RSPO3: variants seen among roughly 807,000 people sequenced by gnomAD.
RSPO3 encodes the protein R-spondin-3.
RSPO3 carries 17 observed loss-of-function variants against 36.5 expected under a neutral mutation model. That is an observed-to-expected ratio of 0.47 (90% CI 0.32 to 0.70). The LOEUF (loss-of-function observed/expected upper bound fraction) is 0.70, where lower values mean the gene tolerates loss of function less well. Ranked by LOEUF, RSPO3 falls within the 30% of genes least tolerant of loss-of-function variation. The pLI, the probability that RSPO3 is intolerant of heterozygous loss-of-function variation, is 0.04. For missense variants in RSPO3, 294 were observed against 322.5 expected (o/e 0.91, Z 0.68); for synonymous variants, 108 against 107.0 (o/e 1.01, Z -0.06).
Position 127,198,450 on chromosome 6 carries a change from T to C in RSPO3, c.*2443T>C, listed in dbSNP as rs532843227. Among the ~76,000 whole-genome samples, 1 of 152,290 alleles carries C rather than the reference T, an allele frequency of 6.6e-6. No individual in the cohort carries two copies. The highest frequency in any genetic ancestry group is 2.1e-4 in the South Asian group (1 of 4,824). On this transcript the variant is annotated 3_prime_UTR_variant, in exon 5 of 5. Transcript: ENST00000356698. ...TTTGAGCAAAAACTCTATCAACCTCTGGTAAAGTTCCTACACTAGTCACAG... is the reference window on the plus strand; with the variant it reads ...TTTGAGCAAAAACTCTATCAACCTCCGGTAAAGTTCCTACACTAGTCACAG...
rs541426744 is a variant in RSPO3, at chr6:127,157,851, G to C, written c.634+2413G>C. Among the ~76,000 whole-genome samples, 31 of 151,626 alleles carry C rather than the reference G, an allele frequency of 2.0e-4. 1 individual carries two copies. The highest frequency in any genetic ancestry group is 6.2e-4 in the South Asian group (3 of 4,818). ...TCTTTGTTATTTCTCTAATCCTCCAGTTTTCTTAACTTCTCTTAAGGTTTA... is the reference window on the plus strand; with the variant it reads ...TCTTTGTTATTTCTCTAATCCTCCACTTTTCTTAACTTCTCTTAAGGTTTA... On this transcript the variant is annotated intron_variant, in intron 4 of 4. Coordinates refer to ENST00000356698, the MANE Select transcript of RSPO3 (RefSeq NM_032784.5).
intron 4 of RSPO3, among the ~76,000 whole-genome samples, chr6:127,172,471 G>A (rs894665916): frequency 2.0e-5 from 3 of 151,450 alleles, no homozygotes; most frequent in Non-Finnish European, 4.4e-5. Flanking sequence ...TATAAATCTG[G>A]GAACCTATAC....
In RSPO3 at chr6:127,166,329, T is replaced by TA. The variant is rs373150551; in HGVS notation, c.634+10892dup. 6.2e-3 allele frequency among the ~76,000 whole-genome samples: 943 copies of TA among 152,120 alleles called. 11 individuals are homozygous for TA. The highest frequency in any genetic ancestry group is 0.022 in the African/African-American group (917 of 41,538). The stretch of plus-strand genomic sequence containing the variant: ...TTGTTTCCCATTTTTTTGCTCTTCT[T>TA]ACTGTAACAAAAATCTCTATCATGT... On this transcript the variant is annotated intron_variant, in intron 4 of 4. Coordinates refer to ENST00000356698, the MANE Select transcript of RSPO3 (RefSeq NM_032784.5).
intron 4 of RSPO3, among the ~76,000 whole-genome samples, chr6:127,191,271 T>C (rs1582816998): frequency 6.6e-6 from 1 of 152,064 alleles, no homozygotes; most frequent in African/African-American, 2.4e-5. Context: ...GTTTTGAGAG[T>C]ATATATTTGA....
intron 1 of RSPO3, among the ~76,000 whole-genome samples, chr6:127,144,608 C>G (rs1039351079): frequency 1.7e-5 from 2 of 119,786 alleles, no homozygotes; most frequent in Admixed American, 8.7e-5. Context: ...TGCATGATGT[C>G]TTCTTTTTCT....
At chr6:127,130,286 T>TAATTGAAC (rs1286222031) in intron 1 of RSPO3, among the ~76,000 whole-genome samples, 1 of 152,190 alleles carries the variant, frequency 6.6e-6, no homozygotes, top group African/African-American at 2.4e-5. Flanking sequence ...AACGGATCTT[T>TAATTGAAC]AATTGAACAA....
At chr6:127,168,846 T>G (rs1371741369) in intron 4 of RSPO3, among the ~76,000 whole-genome samples, 1 of 152,150 alleles carries the variant, frequency 6.6e-6, no homozygotes, top group African/African-American at 2.4e-5. Context: ...CACCATTTAT[T>G]AAATAGGGAA....
chr6:127,155,543 T>G, intron 4 of RSPO3, 105 bp downstream of exon 4: 1 of 1,041,268 alleles, frequency 9.6e-7, no homozygotes, highest in Non-Finnish European at 1.4e-6. Flanking sequence ...ATGCCTAATA[T>G]CCTAAAATGT....
chr6:127,131,471 T>C (rs1774054967), intron 1 of RSPO3, among the ~76,000 whole-genome samples: 1 of 152,082 alleles, frequency 6.6e-6, no homozygotes, highest in Non-Finnish European at 1.5e-5. Context: ...CACAAGCTGT[T>C]GGGCTGAAGT....
chr6:127,172,044 G>C (rs1774947542), intron 4 of RSPO3, among the ~76,000 whole-genome samples: 1 of 151,122 alleles, frequency 6.6e-6, no homozygotes, highest in African/African-American at 2.4e-5. Context: ...ATGTGATCTA[G>C]TATCTTCTAA....
At chr6:127,147,603 G>A (rs1774413532) in intron 1 of RSPO3, among the ~76,000 whole-genome samples, 1 of 152,144 alleles carries the variant, frequency 6.6e-6, no homozygotes, top group Non-Finnish European at 1.5e-5. Flanking sequence ...ACCAGCTCAT[G>A]CAGAGGTGAT....
At chr6:127,192,661 G>A (rs778121687) in intron 4 of RSPO3, 9 of 985,272 alleles carry the variant, frequency 9.1e-6, no homozygotes, top group African/African-American at 1.7e-5. Flanking sequence ...ATCAAGGGGA[G>A]ATGAACGCTG....
chr6:127,154,328 C>T (rs757540396), intron 3 of RSPO3, among the ~76,000 whole-genome samples: 4 of 152,048 alleles, frequency 2.6e-5, no homozygotes, highest in Non-Finnish European at 4.4e-5. Flanking sequence ...TATAATAGCA[C>T]CTTGAGATGT....
chr6:127,193,170 C>T (rs1775446753), intron 4 of RSPO3, among the ~76,000 whole-genome samples: 1 of 152,182 alleles, frequency 6.6e-6, no homozygotes, highest in Admixed American at 6.5e-5. Flanking sequence ...TTCCCTTTCA[C>T]TCACTGCCCA....
intron 1 of RSPO3, among the ~76,000 whole-genome samples, chr6:127,133,839 C>T (rs1420841824): frequency 6.6e-6 from 1 of 152,070 alleles, no homozygotes; most frequent in Non-Finnish European, 1.5e-5. Context: ...TAAACAATTA[C>T]TATGTGCCAA....
chr6:127,189,121 T>C (rs975576535), intron 4 of RSPO3, among the ~76,000 whole-genome samples: 1 of 152,076 alleles, frequency 6.6e-6, no homozygotes, highest in Non-Finnish European at 1.5e-5. Flanking sequence ...GTGTGTTGAA[T>C]TGTAGTTATA....
intron 4 of RSPO3, among the ~76,000 whole-genome samples, chr6:127,168,562 G>C (rs181646894): frequency 4.8e-4 from 73 of 152,050 alleles, no homozygotes; most frequent in Non-Finnish European, 8.8e-4. Flanking sequence ...TATTCACTCT[G>C]ATGGTAGTTT....
At chr6:127,141,201 T>C (rs187619072) in intron 1 of RSPO3, among the ~76,000 whole-genome samples, 30 of 152,222 alleles carry the variant, frequency 2.0e-4, no homozygotes, top group Non-Finnish European at 4.0e-4. Context: ...TTCCACAGTG[T>C]ATCCATATAC....
At chr6:127,120,470 A>G (rs901981951) in intron 1 of RSPO3, among the ~76,000 whole-genome samples, 1 of 152,204 alleles carries the variant, frequency 6.6e-6, no homozygotes, top group Non-Finnish European at 1.5e-5. Flanking sequence ...CGTGCAGCCC[A>G]GGCCCAGCGG....
Sources: allele counts gnomAD v4.1 joint callset (sites outside exome capture counted in the v4.1 genomes callset), GRCh38; gene constraint gnomAD v4.1.1; transcripts MANE v1.5; gene names NCBI Gene and HGNC (gene_info 2026-07-23, HGNC 2026-07-21).